UQCC1: variants seen among roughly 807,000 people sequenced by gnomAD.
UQCC1 encodes the protein ubiquinol-cytochrome c reductase complex assembly factor 1.
In UQCC1, 38 loss-of-function variants were observed where a neutral mutation model predicts 48.0. The ratio of observed to expected loss-of-function variants is 0.79; its 90% CI spans 0.61 to 1.04. The LOEUF (loss-of-function observed/expected upper bound fraction) is 1.04. Ranked by LOEUF, UQCC1 falls within the 50% of genes least tolerant of loss-of-function variation. The pLI is 0.00. For synonymous variants in UQCC1, 111 were observed against 129.2 expected (o/e 0.86, Z 0.95); for missense variants, 368 against 381.8 (o/e 0.96, Z 0.30).
rs2061676964 is a variant in UQCC1 at position 35,367,099 on chromosome 20, A to AAC, written c.407-486_407-485insGT. On this transcript the variant is annotated intron_variant, in intron 5 of 9. Transcript: ENST00000374385. ...ATAGAGTGAGACTCTGTCTAAAAAA[A>AAC]AAAAAAAAAACAAACAAAAAAACAA... 1.3e-5 allele frequency among the ~76,000 whole-genome samples: 2 copies of AAC among 150,590 alleles called. 1 individual carries two copies.
intron 7 of UQCC1, among the ~76,000 whole-genome samples, chr20:35,332,775 A>G (rs1393358738): frequency 1.3e-5 from 2 of 152,236 alleles, no homozygotes; most frequent in African/African-American, 4.8e-5. Context: ...CAGATGCGAG[A>G]AAGAGAATGT....
chr20:35,395,387 C>CTGAAGCAGGATTACT (rs1197860809), intron 1 of UQCC1, among the ~76,000 whole-genome samples: 2 of 151,880 alleles, frequency 1.3e-5, no homozygotes, highest in Non-Finnish European at 2.9e-5. Flanking sequence ...TTTTGAGAGG[C>CTGAAGCAGGATTACT]TGAAGCAGGA....
At chr20:35,382,171 A>C in intron 3 of UQCC1, 146 bp from the exon 4 acceptor site, 2 of 546,520 alleles carry the variant, frequency 3.7e-6, no homozygotes. Context: ...AAGTGGCACA[A>C]TCATAGCTCA....
intron 7 of UQCC1, among the ~76,000 whole-genome samples, chr20:35,335,943 G>T (rs1168943066): frequency 6.6e-6 from 1 of 152,178 alleles, no homozygotes; most frequent in Non-Finnish European, 1.5e-5. Context: ...GCCAAGGTGG[G>T]AGGATCACTT....
rs2062024342 is a variant in UQCC1, at chr20:35,392,407, G to A, written c.129+1685C>T. The A allele has an allele frequency of 9.8e-6, 7 of 711,268 alleles. No individual in the cohort carries two copies. The Admixed American group carries it at 1.7e-4, about 18-fold the overall frequency. 44.1% of individuals were successfully genotyped at this position (711,268 alleles called of 1,614,324 possible). A position where few individuals can be genotyped will look rare whatever the true frequency, so the allele number is the denominator to read the frequency against. On this transcript the variant is annotated intron_variant, in intron 2 of 9. Coordinates refer to ENST00000374385, the MANE Select transcript of UQCC1 (RefSeq NM_018244.5). ...CCTCAGTTATTTACATAAATGCTTT[G>A]CTATAATGTTGTCCCAGAGCCTAAT...
intron 8 of UQCC1, among the ~76,000 whole-genome samples, chr20:35,311,859 A>C (rs189838071): frequency 1.1e-4 from 17 of 152,290 alleles, no homozygotes; most frequent in Admixed American, 9.8e-4. Context: ...CCTGCTCTTA[A>C]AAGTCACCTT....
chr20:35,398,267 C>G (rs2062110129), intron 1 of UQCC1, among the ~76,000 whole-genome samples: 1 of 152,144 alleles, frequency 6.6e-6, no homozygotes, highest in Non-Finnish European at 1.5e-5. Context: ...AAGTACTGTT[C>G]AGAAGCTACA....
At chr20:35,394,872 A>C (rs568788885) in intron 1 of UQCC1, among the ~76,000 whole-genome samples, 69 of 152,234 alleles carry the variant, frequency 4.5e-4, no homozygotes, top group African/African-American at 1.6e-3. Context: ...TCCCCAGGTT[A>C]CTCACACTTT....
intron 8 of UQCC1, among the ~76,000 whole-genome samples, chr20:35,311,315 C>T (rs2060991173): frequency 6.6e-6 from 1 of 152,098 alleles, no homozygotes; most frequent in South Asian, 2.1e-4. Flanking sequence ...CCAAAGCGTC[C>T]AGGGAGGGGG....
chr20:35,405,485 A>G lies in UQCC1; in HGVS notation c.24+6455T>C, dbSNP rs541762580. Among the ~76,000 whole-genome samples the G allele has an allele frequency of 2.1e-3, 315 of 152,368 alleles. 8 individuals are homozygous for G. Among genetic ancestry groups the G allele is most frequent in the Non-Finnish European group, 2.3e-3 (158 of 68,030 alleles). On this transcript the variant is annotated intron_variant, in intron 1 of 9. Transcript: ENST00000374385. ...AAGTATGGCCCATACACAGGGGGAA[A>G]AAATGCAATCAATAGAAACTGTCTC...
At chr20:35,343,545 C>T (rs907243664) in intron 7 of UQCC1, among the ~76,000 whole-genome samples, 16 of 152,212 alleles carry the variant, frequency 1.1e-4, no homozygotes, top group African/African-American at 3.9e-4. Context: ...TAAGGCATGT[C>T]TATTTATGCC....
At position 35,375,686 on chromosome 20, in the gene UQCC1, C is replaced by G. The variant is rs150057992; in HGVS notation, c.334-1430G>C. 1.2e-3 allele frequency among the ~76,000 whole-genome samples: 180 copies of G among 151,388 alleles called. 1 individual carries two copies. The highest frequency in any genetic ancestry group is 1.9e-3 in the Non-Finnish European group (128 of 67,744). ...TCAAGCCAGGCCAGGCATGGTGGCT[C>G]ACGCCTGTAATCCCAGCACTTTAGG... On this transcript the variant is annotated intron_variant, in intron 4 of 9. Transcript: ENST00000374385.
chr20:35,324,617 C>T (rs951762083), intron 7 of UQCC1, among the ~76,000 whole-genome samples: 21 of 152,242 alleles, frequency 1.4e-4, no homozygotes, highest in African/African-American at 4.6e-4. Context: ...TGAGCCACCG[C>T]ACCTGGCCGA....
At chr20:35,377,140 C>A (rs2061811621) in intron 4 of UQCC1, among the ~76,000 whole-genome samples, 1 of 152,112 alleles carries the variant, frequency 6.6e-6, no homozygotes, top group South Asian at 2.1e-4. Context: ...CAATAGCCTT[C>A]ATGAACATAG....
At chr20:35,387,987 ATT>A (rs34545001) in intron 2 of UQCC1, among the ~76,000 whole-genome samples, 3 of 139,778 alleles carry the variant, frequency 2.1e-5, no homozygotes, top group Admixed American at 7.2e-5. Flanking sequence ...ATATTTTCCT[ATT>A]TTTTTTTTTT....
intron 5 of UQCC1, among the ~76,000 whole-genome samples, chr20:35,372,144 T>C (rs2061740178): frequency 2.6e-5 from 4 of 151,770 alleles, no homozygotes; most frequent in Admixed American, 6.6e-5. Flanking sequence ...ACCTCGTCTC[T>C]ACTAAAAGTA....
chr20:35,372,592 T>C (rs569569835), intron 5 of UQCC1, among the ~76,000 whole-genome samples: 2 of 152,244 alleles, frequency 1.3e-5, no homozygotes, highest in African/African-American at 2.4e-5. Context: ...CCAGGTCCCA[T>C]GGCTCACGCC....
intron 6 of UQCC1, among the ~76,000 whole-genome samples, chr20:35,354,006 T>A (rs1318952762): frequency 6.6e-6 from 1 of 152,198 alleles, no homozygotes; most frequent in Non-Finnish European, 1.5e-5. Context: ...ATACTTACCA[T>A]TATAACTGCT....
intron 6 of UQCC1, among the ~76,000 whole-genome samples, chr20:35,361,160 TTCA>T (rs1321559613): frequency 6.6e-6 from 1 of 151,556 alleles, no homozygotes. Flanking sequence ...CCCACCTCCT[TTCA>T]TCATATTTAT....
Sources: allele counts gnomAD v4.1 joint callset (sites outside exome capture counted in the v4.1 genomes callset), GRCh38; gene constraint gnomAD v4.1.1; transcripts MANE v1.5; gene names NCBI Gene and HGNC (gene_info 2026-07-23, HGNC 2026-07-21).